The following ARHGAP28 variants were observed in gnomAD, a reference collection of about 807,000 sequenced individuals.
The protein encoded by ARHGAP28 is Rho GTPase activating protein 28, also known as rho GTPase-activating protein 28.
ARHGAP28 carries 56 observed loss-of-function variants against 90.7 expected under a neutral mutation model. The observed-to-expected ratio is 0.62, with a 90% CI of 0.50 to 0.77. The LOEUF is 0.77. ARHGAP28 is among the 30% of genes least tolerant of loss of function. ARHGAP28 has a pLI of 0.00. For synonymous variants in ARHGAP28, 308 were observed against 323.3 expected (o/e 0.95, Z 0.51); for missense variants, 869 against 900.9 (o/e 0.96, Z 0.45).
Position 6,870,950 on chromosome 18 carries a change from G to A in ARHGAP28, c.954+218G>A, listed in dbSNP as rs562446812. ...CGAGTAGCTGGGACTACAGGCACCT[G>A]CCAACTTGCCCGGCTAATTTTTTGT... On this transcript the variant is annotated intron_variant, in intron 7 of 17. Transcript: ENST00000383472. Among the ~76,000 whole-genome samples the A allele has an allele frequency of 4.5e-4, 69 of 152,242 alleles. No individual in the cohort carries two copies. The East Asian group carries it at 9.3e-3, about 21-fold the overall frequency.
rs867251585 is a variant in ARHGAP28, at chr18:6,775,344, C to T, written c.122+45401C>T. Among the ~76,000 whole-genome samples, 11 of 152,264 alleles carry T rather than the reference C, an allele frequency of 7.2e-5. No individual in the cohort carries two copies. In the South Asian group the frequency reaches 1.0e-3, roughly 14 times the overall value. On this transcript the variant is annotated intron_variant, in intron 1 of 17. Transcript: ENST00000383472. The stretch of plus-strand genomic sequence containing the variant: ...CTGTGTATTTACAAAGTGTGTTTAT[C>T]GTTTCCTTATTGTTCTTAAGTGTTT...
At chr18:6,837,877 C>A (rs980800065) in intron 3 of ARHGAP28, among the ~76,000 whole-genome samples, 4 of 151,994 alleles carry the variant, frequency 2.6e-5, no homozygotes, top group African/African-American at 4.8e-5. Flanking sequence ...TGGAAGATAC[C>A]AGCATTAATT....
intron 1 of ARHGAP28, among the ~76,000 whole-genome samples, chr18:6,772,983 C>G (rs1351095636): frequency 6.6e-6 from 1 of 152,048 alleles, no homozygotes; most frequent in Non-Finnish European, 1.5e-5. Flanking sequence ...TCAGGTGATC[C>G]ACCCGCCTCA....
chr18:6,798,914 C>T (rs1243798671), intron 1 of ARHGAP28, among the ~76,000 whole-genome samples: 3 of 152,198 alleles, frequency 2.0e-5, no homozygotes, highest in Non-Finnish European at 4.4e-5. Context: ...ATGCATCATG[C>T]TAGACCCTGT....
chr18:6,883,750 A>T (rs1414395848), intron 11 of ARHGAP28, among the ~76,000 whole-genome samples: 1 of 152,192 alleles, frequency 6.6e-6, no homozygotes, highest in Non-Finnish European at 1.5e-5. Context: ...AGATTCATAA[A>T]ATAATCTTTT....
intron 1 of ARHGAP28, among the ~76,000 whole-genome samples, chr18:6,765,588 G>C (rs879176714): frequency 1.3e-5 from 2 of 150,818 alleles, no homozygotes; most frequent in Admixed American, 1.3e-4. Context: ...TTTTTCTATT[G>C]TTTGCCTGCT....
chr18:6,808,359 T>C (rs925520979), intron 1 of ARHGAP28, among the ~76,000 whole-genome samples: 3 of 152,194 alleles, frequency 2.0e-5, no homozygotes, highest in Admixed American at 1.3e-4. Flanking sequence ...ATTTTTATTA[T>C]AGCTGTTTTA....
chr18:6,774,745 C>G (rs982963385), intron 1 of ARHGAP28, among the ~76,000 whole-genome samples: 8 of 152,226 alleles, frequency 5.3e-5, no homozygotes, highest in African/African-American at 1.9e-4. Flanking sequence ...GCCTTTCCTC[C>G]TGCTGTCAGC....
At position 6,915,672 on chromosome 18, in the gene ARHGAP28, A is replaced by G. The variant is rs565227147; in HGVS notation, c.*3518A>G. ...GCTTTCATTGTTAAGTAGAATATGTATGTTGCATTTTATCCATAAGAAATA... is the reference window on the plus strand; with the variant it reads ...GCTTTCATTGTTAAGTAGAATATGTGTGTTGCATTTTATCCATAAGAAATA... On this transcript the variant is annotated 3_prime_UTR_variant, in exon 18 of 18. Coordinates refer to ENST00000383472, the MANE Select transcript of ARHGAP28 (RefSeq NM_001366230.1). The G allele has an allele frequency of 6.6e-6, 1 of 152,340 alleles. No homozygotes were observed. The highest frequency in any genetic ancestry group is 2.4e-5 in the African/African-American group (1 of 41,564). The allele number at this position is 152,340 out of a possible 1,614,324, so 9.4% of individuals were successfully genotyped here. A position where few individuals can be genotyped will look rare whatever the true frequency, so the allele number is the denominator to read the frequency against.
chr18:6,887,388 TCTC>T (rs1349798455), intron 12 of ARHGAP28, 149 bp downstream of exon 12: 4 of 649,220 alleles, frequency 6.2e-6, no homozygotes, highest in South Asian at 3.5e-5. Flanking sequence ...CCACTGCCCT[TCTC>T]CTGAGGAAGA....
chr18:6,785,343 A>G (rs2056357232), intron 1 of ARHGAP28, among the ~76,000 whole-genome samples: 1 of 152,194 alleles, frequency 6.6e-6, no homozygotes, highest in African/African-American at 2.4e-5. Context: ...ATTCAAGAGG[A>G]CCAGGTGTGT....
At chr18:6,751,964 T>TAAAA (rs199775924) in intron 1 of ARHGAP28, among the ~76,000 whole-genome samples, 2 of 148,516 alleles carry the variant, frequency 1.3e-5, no homozygotes, top group African/African-American at 4.9e-5. Context: ...TTACAAAACT[T>TAAAA]AAAAAAAAAA....
At chr18:6,777,846 A>G (rs531865773) in intron 1 of ARHGAP28, among the ~76,000 whole-genome samples, 1 of 152,170 alleles carries the variant, frequency 6.6e-6, no homozygotes, top group Non-Finnish European at 1.5e-5. Flanking sequence ...GGCTGCTTCA[A>G]GTAGAAAGAT....
chr18:6,822,170 C>T (rs900871751), intron 1 of ARHGAP28, among the ~76,000 whole-genome samples: 9 of 151,976 alleles, frequency 5.9e-5, no homozygotes, highest in Non-Finnish European at 1.3e-4. Flanking sequence ...GTATATTAGA[C>T]GTAAACACTT....
chr18:6,769,663 A>G lies in ARHGAP28; in HGVS notation c.122+39720A>G, dbSNP rs540705626. Among the ~76,000 whole-genome samples, 3 of 152,336 alleles carry G rather than the reference A, an allele frequency of 2.0e-5. No individual in the cohort carries two copies. The South Asian group carries it at 6.2e-4, about 32-fold the overall frequency. On this transcript the variant is annotated intron_variant, in intron 1 of 17. Transcript: ENST00000383472. ...ATGTTGTGCCAAAGCCAGGATTTGC[A>G]CCCACGTCCTTTTCATTTCGTGCTC... is the stretch of plus-strand genomic sequence containing the variant.
intron 14 of ARHGAP28, 89 bp downstream of exon 14, chr18:6,890,632 C>G (rs984376970): frequency 2.7e-6 from 2 of 730,302 alleles, no homozygotes; most frequent in Non-Finnish European, 4.4e-6. Context: ...CATTTAGAAC[C>G]AAGCATTTTA....
chr18:6,856,321 T>C (rs1474639024), intron 4 of ARHGAP28, among the ~76,000 whole-genome samples: 2 of 152,220 alleles, frequency 1.3e-5, no homozygotes, highest in Admixed American at 6.5e-5. Context: ...TAATCTCTAA[T>C]ATACCCATTA....
At chr18:6,875,845 T>C (rs2057126921) in intron 9 of ARHGAP28, among the ~76,000 whole-genome samples, 1 of 152,176 alleles carries the variant, frequency 6.6e-6, no homozygotes, top group South Asian at 2.1e-4. Flanking sequence ...AAGAGGCATG[T>C]ATAATTTTAG....
Position 6,876,861 on chromosome 18 carries a change from A to C in ARHGAP28, c.1290+653A>C, listed in dbSNP as rs190385884. Among the ~76,000 whole-genome samples the C allele has an allele frequency of 1.4e-4, 22 of 152,308 alleles. No individual in the cohort carries two copies. In the East Asian group the frequency reaches 4.3e-3, roughly 29 times the overall value. On this transcript the variant is annotated intron_variant, in intron 10 of 17. Transcript: ENST00000383472. Reference sequence around the variant, plus strand: ...ACTTCCATGAGGTGGCAAACTCTACAGTACAATAAAGCAAAGAACTGTTAG... The same window carrying C: ...ACTTCCATGAGGTGGCAAACTCTACCGTACAATAAAGCAAAGAACTGTTAG...
Sources: allele counts gnomAD v4.1 joint callset (sites outside exome capture counted in the v4.1 genomes callset), GRCh38; gene constraint gnomAD v4.1.1; transcripts MANE v1.5; gene names NCBI Gene and HGNC (gene_info 2026-07-23, HGNC 2026-07-21).